DDX60L: variants seen among roughly 807,000 people sequenced by gnomAD.
DDX60L encodes the protein probable ATP-dependent RNA helicase DDX60-like.
A neutral mutation model predicts 211.6 loss-of-function variants in DDX60L; 191 were observed. That is an observed-to-expected ratio of 0.90 (90% CI 0.80 to 1.02). The LOEUF is 1.02. Ranked by LOEUF, DDX60L falls within the 50% of genes least tolerant of loss-of-function variation. The pLI is 0.00. For missense variants in DDX60L, 2,007 were observed against 1,984.1 expected, an observed-to-expected ratio of 1.01 and a Z score of -0.22; for synonymous variants, 706 against 694.1, an observed-to-expected ratio of 1.02 and a Z score of -0.27.
intron 29 of DDX60L, among the ~76,000 whole-genome samples, chr4:168,391,290 C>T (rs1744766027): frequency 1.3e-5 from 2 of 152,166 alleles, no homozygotes; most frequent in Non-Finnish European, 2.9e-5. Flanking sequence ...AATATAAAAA[C>T]TACACTAAAA....
intron 4 of DDX60L, chr4:168,468,919 G>A (rs1429433386): frequency 3.3e-5 from 5 of 152,172 alleles, no homozygotes; most frequent in East Asian, 3.9e-4. Flanking sequence ...GATGTGCAAC[G>A]CCTCCACACT....
chr4:168,394,853 C>G (rs1374914236), intron 27 of DDX60L, among the ~76,000 whole-genome samples: 1 of 152,228 alleles, frequency 6.6e-6, no homozygotes, highest in Admixed American at 6.5e-5. Flanking sequence ...GCTATTGAAG[C>G]AGCAGATCAA....
At chr4:168,374,007 A>C (rs907252574) in intron 34 of DDX60L, among the ~76,000 whole-genome samples, 199 bp from the exon 35 acceptor site, 1 of 152,124 alleles carries the variant, frequency 6.6e-6, no homozygotes, top group African/African-American at 2.4e-5. Context: ...TTAACTTATT[A>C]TCATTACTCT....
Position 168,406,633 on chromosome 4 carries a change from G to A in DDX60L, c.3053C>T (p.Ala1018Val), listed in dbSNP as rs200568430. The part of the protein sequence containing the change: ...QESIQLYDTM[A>V]QVWETWPRAQ... Reference sequence around the variant, plus strand: ...CCTGGGCCAAGTTTCCCAGACTTGAGCCATGGTATCATAAAGCTGGATGCT... The same window carrying A: ...CCTGGGCCAAGTTTCCCAGACTTGAACCATGGTATCATAAAGCTGGATGCT... Residue 1018 changes from alanine (A) to valine (V), a missense_variant, in exon 23 of 38, where the codon GCT becomes GTT. Coordinates refer to ENST00000682922, the MANE Select transcript of DDX60L (RefSeq NM_001012967.3). The A allele has an allele frequency of 1.9e-6, 3 of 1,604,274 alleles. No individual in the cohort carries two copies. The highest frequency in any genetic ancestry group is 2.6e-6 in the Non-Finnish European group (3 of 1,174,964).
At chr4:168,441,534 A>G in intron 9 of DDX60L, 42 bp from the exon 10 acceptor site, 2 of 1,468,814 alleles carry the variant, frequency 1.4e-6, no homozygotes, top group South Asian at 2.5e-5. Context: ...AAAGTCATAC[A>G]CATGCAGACA....
chr4:168,469,147 G>A (rs2150132341), intron 4 of DDX60L: 2 of 152,232 alleles, frequency 1.3e-5, no homozygotes, highest in South Asian at 4.2e-4. Flanking sequence ...GAACAAAGTG[G>A]GCTTCAAGAT....
At chr4:168,374,190 C>T (rs749706795) in intron 34 of DDX60L, among the ~76,000 whole-genome samples, 3 of 151,870 alleles carry the variant, frequency 2.0e-5, no homozygotes, top group Admixed American at 6.6e-5. Context: ...AAGTCATGCA[C>T]TCAGGTCTGG....
chr4:168,425,315 G>A (rs1397974881), intron 14 of DDX60L, among the ~76,000 whole-genome samples: 2 of 152,186 alleles, frequency 1.3e-5, no homozygotes, highest in African/African-American at 4.8e-5. Context: ...GCCCACTGAG[G>A]TACTGGCTTT....
intron 4 of DDX60L, chr4:168,470,690 A>C (rs1758640104): frequency 6.3e-6 from 1 of 158,734 alleles, no homozygotes. Flanking sequence ...AAATACAAAA[A>C]TTAGCTGAGC....
At chr4:168,466,566 G>A (rs529479966) in intron 4 of DDX60L, among the ~76,000 whole-genome samples, 5 of 152,234 alleles carry the variant, frequency 3.3e-5, no homozygotes, top group South Asian at 2.1e-4. Flanking sequence ...GAAAATAGAG[G>A]AATAAAAATC....
At chr4:168,401,333 C>A (rs892612437) in intron 25 of DDX60L, among the ~76,000 whole-genome samples, 1 of 152,212 alleles carries the variant, frequency 6.6e-6, no homozygotes, top group Non-Finnish European at 1.5e-5. Flanking sequence ...ACTATTTCAA[C>A]CAATTCCCAA....
At chr4:168,392,134 T>C (rs1328409094) in intron 28 of DDX60L, among the ~76,000 whole-genome samples, 2 of 152,176 alleles carry the variant, frequency 1.3e-5, no homozygotes, top group Admixed American at 1.3e-4. Flanking sequence ...TTCCTTAAGA[T>C]AGGGTAATAA....
intron 10 of DDX60L, among the ~76,000 whole-genome samples, chr4:168,435,894 T>C (rs1051856016): frequency 1.3e-5 from 2 of 152,042 alleles, no homozygotes; most frequent in African/African-American, 4.8e-5. Flanking sequence ...TCAGCAAAAA[T>C]TCAGAGAATT....
At position 168,461,873 on chromosome 4, in the gene DDX60L, T is replaced by G. The variant is rs745513421; in HGVS notation, c.432A>C (p.Ile144=). The change falls in exon 5 of 38, where the codon ATA becomes ATC. Residue 144 remains isoleucine (I), a synonymous_variant. Transcript: ENST00000682922. ...AATCACTCAGGCCTTCCTCTGAAAC[T>G]ATCAGAAAATACGGGTAATGCTGTT... ...FLEQHYPYFL[I]VSEEGLSDLQ... The G allele has an allele frequency of 1.2e-6, 2 of 1,611,426 alleles. No individual in the cohort carries two copies. The highest frequency in any genetic ancestry group is 3.3e-5 in the Admixed American group (2 of 59,720).
At chr4:168,405,157 C>T (rs771556663) in intron 24 of DDX60L, among the ~76,000 whole-genome samples, 6 of 151,956 alleles carry the variant, frequency 3.9e-5, no homozygotes, top group South Asian at 2.1e-4. Context: ...TACAGGCATG[C>T]GCCACCACAT....
chr4:168,447,478 TC>T (rs1459648990), intron 9 of DDX60L, among the ~76,000 whole-genome samples: 1 of 151,872 alleles, frequency 6.6e-6, no homozygotes, highest in African/African-American at 2.4e-5. Flanking sequence ...GTGTGGCGAT[TC>T]CTCAGGGATC....
chr4:168,442,437 G>A (rs1428284876), intron 9 of DDX60L, among the ~76,000 whole-genome samples: 2 of 152,262 alleles, frequency 1.3e-5, no homozygotes, highest in Non-Finnish European at 2.9e-5. Context: ...AGGGGCGGCA[G>A]CGAGGCTGGG....
intron 9 of DDX60L, 75 bp downstream of exon 9, chr4:168,448,563 G>T: frequency 8.9e-7 from 1 of 1,127,864 alleles, no homozygotes; most frequent in Non-Finnish European, 1.3e-6. Flanking sequence ...TGTTGCTGTG[G>T]TATGTACTGG....
rs980656758 is a variant in DDX60L, at chr4:168,472,012, T to C, written c.75-76A>G. 26 of 1,233,156 alleles carry C rather than the reference T, an allele frequency of 2.1e-5. No individual in the cohort carries two copies. In the African/African-American group the frequency reaches 3.9e-4, roughly 18 times the overall value. 76.4% of individuals were successfully genotyped at this position (1,233,156 alleles called of 1,614,324 possible). ...TTGTTGCTGTTGTTGTTACTATTAT[T>C]GCATAAGCTACTGTTTGTTGAGTAC... On this transcript the variant is annotated intron_variant, in intron 3 of 37. Transcript: ENST00000682922.
Sources: gnomAD v4.1 joint callset for allele counts (sites outside exome capture counted in the v4.1 genomes callset) on GRCh38, gnomAD v4.1.1 for gene constraint, MANE v1.5 for transcripts, NCBI Gene and HGNC (gene_info 2026-07-23, HGNC 2026-07-21) for gene names.